Variants in SCARB2 observed in about 807,000 individuals in gnomAD.
SCARB2 encodes scavenger receptor class B member 2, also known as lysosome membrane protein 2.
SCARB2 carries 29 observed loss-of-function variants against 58.6 expected under a neutral mutation model. The ratio of observed to expected loss-of-function variants is 0.49; its 90% CI spans 0.37 to 0.67. The LOEUF is 0.67. Among genes scored for constraint, SCARB2 ranks in the 30% least tolerant of loss-of-function variants. The pLI is 0.00. For missense variants in SCARB2, 488 were observed against 578.5 expected, an observed-to-expected ratio of 0.84 and a Z score of 1.60; for synonymous variants, 195 against 210.1, an observed-to-expected ratio of 0.93 and a Z score of 0.62.
At position 76,166,303 on chromosome 4, in the gene SCARB2, T is replaced by C; in HGVS notation, c.1188-2A>G. 6.2e-7 allele frequency: 1 copy of C among 1,614,054 alleles called. No homozygotes were observed. Among genetic ancestry groups the C allele is most frequent in the Non-Finnish European group, 8.5e-7 (1 of 1,179,930 alleles). The stretch of plus-strand genomic sequence containing the variant: ...ATGGTTCTAATGTCTCCCGTTTCAC[T>C]ACAAAGACAAAGGATGAGATTGTTT... On this transcript the variant is annotated splice_acceptor_variant, in intron 9 of 11. Transcript: ENST00000264896. LOFTEE classifies it high-confidence loss of function.
Position 76,160,887 on chromosome 4 carries a change from CT to C in SCARB2, c.*825del, listed in dbSNP as rs1233136755. 2.6e-5 allele frequency: 4 copies of C among 152,110 alleles called. No individual in the cohort carries two copies. The highest frequency in any genetic ancestry group is 7.2e-5 in the African/African-American group (3 of 41,414). 9.4% of individuals were successfully genotyped at this position (152,110 alleles called of 1,614,324 possible). ...ACTCATTACATTCTCTCAGAAGCATCTTTTCGTAGCATGATCATTTTGACTA... is the reference window on the plus strand; with the variant it reads ...ACTCATTACATTCTCTCAGAAGCATCTTTCGTAGCATGATCATTTTGACTA... On this transcript the variant is annotated 3_prime_UTR_variant, in exon 12 of 12. Transcript: ENST00000264896.
At chr4:76,208,124 CA>C (rs1198025392) in intron 1 of SCARB2, among the ~76,000 whole-genome samples, 2 of 152,218 alleles carry the variant, frequency 1.3e-5, no homozygotes, top group African/African-American at 4.8e-5. Context: ...GAGTCTGATT[CA>C]GCAAGTCTGG....
chr4:76,185,146 T>C lies in SCARB2; in HGVS notation c.276-4045A>G, dbSNP rs1274252472. ...GAATCCTGGTGACCTCACCTCTCAT[T>C]CAGGGTATTCCTTGATTTTACACAG... On this transcript the variant is annotated intron_variant, in intron 2 of 11. Transcript: ENST00000264896. Among the ~76,000 whole-genome samples, 3 of 152,214 alleles carry C rather than the reference T, an allele frequency of 2.0e-5. No homozygotes were observed. The East Asian group carries it at 5.8e-4, about 29-fold the overall frequency.
intron 1 of SCARB2, among the ~76,000 whole-genome samples, chr4:76,224,127 CA>C (rs1160634381): frequency 1.3e-5 from 2 of 152,148 alleles, no homozygotes. Context: ...TTGCAGATTG[CA>C]AAGTCAGAAA....
At chr4:76,187,181 T>G (rs1732503882) in intron 2 of SCARB2, among the ~76,000 whole-genome samples, 1 of 152,184 alleles carries the variant, frequency 6.6e-6, no homozygotes, top group Non-Finnish European at 1.5e-5. Flanking sequence ...GACTTGAACA[T>G]CAAACCATTG....
At chr4:76,233,276 C>T (rs1234385697) in intron 1 of SCARB2, among the ~76,000 whole-genome samples, 5 of 146,936 alleles carry the variant, frequency 3.4e-5, no homozygotes, top group African/African-American at 1.2e-4. Context: ...TTCCATGTGT[C>T]CCCAGGCCTT....
At chr4:76,222,944 C>T (rs981508757) in intron 1 of SCARB2, among the ~76,000 whole-genome samples, 1 of 152,186 alleles carries the variant, frequency 6.6e-6, no homozygotes, top group East Asian at 1.9e-4. Flanking sequence ...CCAGGTGAAG[C>T]CTCGTGCATG....
intron 9 of SCARB2, among the ~76,000 whole-genome samples, chr4:76,167,292 C>T (rs1732028245): frequency 2.0e-5 from 3 of 152,126 alleles, no homozygotes; most frequent in Admixed American, 6.5e-5. Flanking sequence ...CTTGTTCCCC[C>T]AAATCTCAGG....
At chr4:76,216,093 T>TG (rs1733201847), upstream of SCARB2, among the ~76,000 whole-genome samples, 1 of 152,176 alleles carries the variant, frequency 6.6e-6, no homozygotes, top group African/African-American at 2.4e-5. Context: ...CCCAGCCTGA[T>TG]GGGTGGGTGG....
intron 1 of SCARB2, among the ~76,000 whole-genome samples, chr4:76,210,621 T>C (rs1434431893): frequency 2.0e-5 from 3 of 152,222 alleles, no homozygotes; most frequent in Non-Finnish European, 4.4e-5. Flanking sequence ...AAAAGAGAAG[T>C]ACTATTATGC....
At chr4:76,190,761 G>C (rs1208016171) in intron 2 of SCARB2, among the ~76,000 whole-genome samples, 3 of 152,102 alleles carry the variant, frequency 2.0e-5, no homozygotes, top group African/African-American at 7.2e-5. Flanking sequence ...TCCAGCCTGG[G>C]AGACAGAATG....
intron 1 of SCARB2, among the ~76,000 whole-genome samples, chr4:76,209,781 T>C (rs17234715): frequency 0.19 from 28,771 of 152,206 alleles, 3,623 homozygotes; most frequent in Non-Finnish European, 0.28. Flanking sequence ...AGGGGAAGTG[T>C]ATTTGTCCTG....
chr4:76,219,544 T>C (rs1301814396), intron 1 of SCARB2, among the ~76,000 whole-genome samples: 2 of 152,218 alleles, frequency 1.3e-5, no homozygotes, highest in East Asian at 3.9e-4. Context: ...ACAGTTATTC[T>C]TTAATGATGT....
intron 3 of SCARB2, 134 bp from the exon 4 acceptor site, chr4:76,179,839 G>A (rs1210622115): frequency 2.6e-6 from 2 of 766,024 alleles, no homozygotes; most frequent in Non-Finnish European, 4.6e-6. Flanking sequence ...GAAAAATCAG[G>A]CAGTGAGCTC....
At chr4:76,221,088 G>A (rs1733299462) in intron 1 of SCARB2, among the ~76,000 whole-genome samples, 1 of 152,152 alleles carries the variant, frequency 6.6e-6, no homozygotes, top group Admixed American at 6.5e-5. Context: ...CTGGCACCAT[G>A]CAATCTGTAT....
At chr4:76,199,666 TG>T (rs1192139849) in intron 1 of SCARB2, among the ~76,000 whole-genome samples, 1 of 152,232 alleles carries the variant, frequency 6.6e-6, no homozygotes, top group African/African-American at 2.4e-5. Context: ...AGTGAAACTA[TG>T]GAGAAGCCAT....
intron 1 of SCARB2, among the ~76,000 whole-genome samples, chr4:76,224,781 G>T (rs117400308): frequency 2.0e-5 from 3 of 151,920 alleles, no homozygotes; most frequent in East Asian, 1.9e-4. Flanking sequence ...AGTTTTTGGG[G>T]AACAGGTGGT....
In SCARB2 at chr4:76,221,798, T is replaced by C. The variant is rs539837912; in HGVS notation, c.-358+12505A>G. Among the ~76,000 whole-genome samples, 3 of 152,322 alleles carry C rather than the reference T, an allele frequency of 2.0e-5. No homozygotes were observed. The South Asian group carries it at 6.2e-4, about 32-fold the overall frequency. On this transcript the variant is annotated intron_variant, in intron 1 of 11. Coordinates refer to the SCARB2 transcript ENST00000638295. The stretch of plus-strand genomic sequence containing the variant: ...GGAGTATAGGTTGAAAACCTACCTA[T>C]TGGGTATCATGCTCACTACCTGGGT...
chr4:76,166,667 T>C (rs1024912865), intron 9 of SCARB2: 1 of 360,122 alleles, frequency 2.8e-6, no homozygotes, highest in Non-Finnish European at 5.3e-6. Context: ...CAACTGAGCA[T>C]GTACCACGTG....
Sources: allele counts gnomAD v4.1 joint callset (sites outside exome capture counted in the v4.1 genomes callset), GRCh38; gene constraint gnomAD v4.1.1; transcripts MANE v1.5; gene names NCBI Gene and HGNC (gene_info 2026-07-23, HGNC 2026-07-21).